ADARB1: variants seen among roughly 807,000 people sequenced by gnomAD.
ADARB1 encodes the protein adenosine deaminase RNA specific B1.
In ADARB1, 10 loss-of-function variants were observed where a neutral mutation model predicts 52.4. That is an observed-to-expected ratio of 0.19 (90% CI 0.12 to 0.32). The LOEUF (loss-of-function observed/expected upper bound fraction) is 0.32. Ranked by LOEUF, ADARB1 falls within the 10% of genes least tolerant of loss-of-function variation. The probability of loss-of-function intolerance (pLI) is 1.00; values close to 1 mark genes in which losing one functional copy is unlikely to be tolerated. For synonymous variants in ADARB1, 349 were observed against 371.1 expected (o/e 0.94, Z 0.68); for missense variants, 643 against 922.3 (o/e 0.70, Z 3.92).
intron 1 of ADARB1, chr21:45,101,074 C>T (rs1218754912): frequency 6.6e-6 from 1 of 152,650 alleles, no homozygotes; most frequent in Non-Finnish European, 1.5e-5. Context: ...CGTCCCGTAG[C>T]AGTGCCGCGG....
chr21:45,091,857 G>A (rs1187920884), intron 1 of ADARB1, among the ~76,000 whole-genome samples: 2 of 152,200 alleles, frequency 1.3e-5, no homozygotes, highest in African/African-American at 4.8e-5. Context: ...CAGGCCAGTG[G>A]ACCTCAGAAA....
At position 45,142,795 on chromosome 21, in the gene ADARB1, G is replaced by T. The variant is rs1314761600; in HGVS notation, c.-48+14222G>T. Among the ~76,000 whole-genome samples, 1 of 152,172 alleles carries T rather than the reference G, an allele frequency of 6.6e-6. No homozygotes were observed. The highest frequency in any genetic ancestry group is 2.4e-5 in the African/African-American group (1 of 41,436). On this transcript the variant is annotated intron_variant, in intron 2 of 10. Transcript: ENST00000348831. The surrounding 1 kb of genome is among the most constrained non-coding windows in gnomAD (Gnocchi z 4.0). ...CCTGGCTCCGTCATGTGTTTTGCAGGGGGATCTGAGGGGCCCAGAAGGTAA... is the reference window on the plus strand; with the variant it reads ...CCTGGCTCCGTCATGTGTTTTGCAGTGGGATCTGAGGGGCCCAGAAGGTAA...
intron 2 of ADARB1, among the ~76,000 whole-genome samples, chr21:45,161,252 T>C (rs384876): frequency 0.64 from 97,201 of 152,058 alleles, 31,382 homozygotes; most frequent in African/African-American, 0.74. Context: ...GCAGGAGCCC[T>C]GCCATCCTGG....
chr21:45,140,872 A>G (rs2089684427), intron 2 of ADARB1, among the ~76,000 whole-genome samples: 1 of 152,194 alleles, frequency 6.6e-6, no homozygotes. Context: ...TTATGGAATG[A>G]GAAGTTTTGT....
intron 2 of ADARB1, among the ~76,000 whole-genome samples, chr21:45,158,502 A>C (rs1296318063): frequency 6.6e-6 from 1 of 152,190 alleles, no homozygotes; most frequent in Non-Finnish European, 1.5e-5. Context: ...GATTTGCAAA[A>C]TTGGGTCAGA....
chr21:45,132,989 C>G (rs1446831471), intron 2 of ADARB1, among the ~76,000 whole-genome samples: 1 of 152,214 alleles, frequency 6.6e-6, no homozygotes, highest in African/African-American at 2.4e-5. Context: ...CCTGCCAGCT[C>G]CTCCAGTCTT....
chr21:45,153,392 G>A (rs1363189558), intron 2 of ADARB1, among the ~76,000 whole-genome samples: 1 of 151,532 alleles, frequency 6.6e-6, no homozygotes, highest in Non-Finnish European at 1.5e-5. Flanking sequence ...AAATGCCTTA[G>A]TGAAAAGATG....
intron 1 of ADARB1, among the ~76,000 whole-genome samples, chr21:45,086,685 G>A (rs1354946175): frequency 2.6e-5 from 4 of 152,220 alleles, no homozygotes; most frequent in South Asian, 2.1e-4. Context: ...AGTCGTATTG[G>A]CGTAGCGTGT....
chr21:45,216,665 GAA>G (rs1274359863), intron 9 of ADARB1, among the ~76,000 whole-genome samples: 6 of 152,144 alleles, frequency 3.9e-5, no homozygotes, highest in Admixed American at 1.3e-4. Context: ...AAACTTGAAA[GAA>G]TGTGAATCTG....
At chr21:45,127,726 A>G (rs144879634) in intron 1 of ADARB1, among the ~76,000 whole-genome samples, 2 of 152,258 alleles carry the variant, frequency 1.3e-5, no homozygotes, top group East Asian at 1.9e-4. Flanking sequence ...CACACCTCCC[A>G]GAGACTTCTC....
intron 1 of ADARB1, among the ~76,000 whole-genome samples, chr21:45,127,207 A>G (rs1424936724): frequency 6.6e-6 from 1 of 152,150 alleles, no homozygotes; most frequent in Non-Finnish European, 1.5e-5. Flanking sequence ...GTCAGAGGCC[A>G]ACGTCCTTGC....
In ADARB1 at chr21:45,087,371, G is replaced by A. The variant is rs114782320; in HGVS notation, c.-220+12578G>A. On this transcript the variant is annotated intron_variant, in intron 1 of 10. Coordinates refer to ENST00000348831, the MANE Select transcript of ADARB1 (RefSeq NM_001112.4). ...GAATTGGTTTGAGGTGGTTTCCAGG[G>A]CACGTGGATGTGAATGAGGCAAGTA... Among the ~76,000 whole-genome samples, 1,303 of 152,304 alleles carry A rather than the reference G, an allele frequency of 8.6e-3. 11 individuals are homozygous for A. The highest frequency in any genetic ancestry group is 0.03 in the African/African-American group (1,250 of 41,556).
intron 4 of ADARB1, among the ~76,000 whole-genome samples, chr21:45,179,980 G>T (rs1023637755): frequency 2.0e-5 from 3 of 152,180 alleles, no homozygotes; most frequent in Admixed American, 2.0e-4. Flanking sequence ...TGGGCAGGTG[G>T]CCCTGAGCAG....
At chr21:45,112,898 G>C (rs1220673998) in intron 1 of ADARB1, among the ~76,000 whole-genome samples, 1 of 152,110 alleles carries the variant, frequency 6.6e-6, no homozygotes, top group African/African-American at 2.4e-5. Flanking sequence ...TCTGTGAGTT[G>C]TGAGGGGCCA....
chr21:45,150,448 G>A (rs57928018), intron 2 of ADARB1, among the ~76,000 whole-genome samples: 24,305 of 152,144 alleles, frequency 0.16, 2,011 homozygotes, highest in East Asian at 0.29. Flanking sequence ...TAGTTAATGT[G>A]AAATGTTTAA....
At position 45,225,037 on chromosome 21, in the gene ADARB1, A is replaced by T; in HGVS notation, c.*2840A>T. Reference sequence around the variant, plus strand: ...TAAGAAAAAATATTACATTTTGAGGACATTTTGACAAGTAGGGGAAGAGAG... The same window carrying T: ...TAAGAAAAAATATTACATTTTGAGGTCATTTTGACAAGTAGGGGAAGAGAG... On this transcript the variant is annotated 3_prime_UTR_variant, in exon 11 of 11. Transcript: ENST00000348831. 1 of 985,246 alleles carries T rather than the reference A, an allele frequency of 1.0e-6. No homozygotes were observed. Among genetic ancestry groups the T allele is most frequent in the Non-Finnish European group, 1.2e-6 (1 of 830,304 alleles). 61.0% of individuals were successfully genotyped at this position (985,246 alleles called of 1,614,324 possible). A position where few individuals can be genotyped will look rare whatever the true frequency, so the allele number is the denominator to read the frequency against.
intron 1 of ADARB1, among the ~76,000 whole-genome samples, chr21:45,093,438 G>A (rs1364033234): frequency 6.6e-6 from 1 of 152,240 alleles, no homozygotes; most frequent in East Asian, 1.9e-4. Flanking sequence ...TTGACAAGAG[G>A]AAGAGAGGAC....
intron 2 of ADARB1, among the ~76,000 whole-genome samples, chr21:45,140,188 C>G (rs1039940517): frequency 2.0e-5 from 3 of 152,016 alleles, no homozygotes; most frequent in African/African-American, 4.8e-5. Context: ...GGTGATCCAC[C>G]CACCTCAACC....
intron 1 of ADARB1, among the ~76,000 whole-genome samples, chr21:45,127,228 A>G (rs2088642501): frequency 6.6e-6 from 1 of 151,502 alleles, no homozygotes; most frequent in Non-Finnish European, 1.5e-5. Context: ...ACTTCTTGAC[A>G]CTCTCCACCC....
Sources: gnomAD v4.1 joint callset for allele counts (sites outside exome capture counted in the v4.1 genomes callset) on GRCh38, gnomAD v4.1.1 for gene constraint, Gnocchi (gnomAD v3.1) non-coding constraint, MANE v1.5 for transcripts, NCBI Gene and HGNC (gene_info 2026-07-23, HGNC 2026-07-21) for gene names.